Variants in SPEG observed in about 807,000 individuals in gnomAD.
SPEG encodes striated muscle enriched protein kinase.
In SPEG, 114 loss-of-function variants were observed where a neutral mutation model predicts 300.4. That is an observed-to-expected ratio of 0.38 (90% confidence interval 0.33 to 0.44). The LOEUF is 0.44. Among genes scored for constraint, SPEG ranks in the 20% least tolerant of loss-of-function variants. The pLI is 1.00. For synonymous variants in SPEG, 1,964 were observed against 2,018.9 expected (o/e 0.97, Z 0.73); for missense variants, 4,201 against 4,586.2 (o/e 0.92, Z 2.43).
chr2:219,466,063 G>A, intron 9 of SPEG: 1 of 1,604,322 alleles, frequency 6.2e-7, no homozygotes, highest in Non-Finnish European at 8.5e-7. Context: ...ACAGGCGAGT[G>A]AGCTCAGGGG....
rs1414019545 is a variant in SPEG, at chr2:219,448,997, C to A, written c.1839C>A (p.Pro613=). Residue 613 remains proline, a synonymous_variant, in exon 4 of 41, where the codon CCC becomes CCA. Coordinates refer to ENST00000312358, the MANE Select transcript of SPEG (RefSeq NM_005876.5). ...AIQECRSPVP[P]PAADPPEART... is the part of the protein sequence containing the mutation. ...AGGAGTGCAGGAGCCCTGTGCCGCCCCCCGCCGCCGATCCCCCAGAGGCCA... is the reference window on the plus strand; with the variant it reads ...AGGAGTGCAGGAGCCCTGTGCCGCCACCCGCCGCCGATCCCCCAGAGGCCA... The A allele has an allele frequency of 6.7e-7, 1 of 1,484,082 alleles. No homozygotes were observed. Among genetic ancestry groups the A allele is most frequent in the Admixed American group, 2.5e-5 (1 of 40,646 alleles). 91.9% of individuals were successfully genotyped at this position (1,484,082 alleles called of 1,614,324 possible). A position where few individuals can be genotyped will look rare whatever the true frequency, so the allele number is the denominator to read the frequency against.
At position 219,488,781 on chromosome 2, in the gene SPEG, T is replaced by A; in HGVS notation, c.8030T>A (p.Val2677Asp). 6.2e-7 allele frequency: 1 copy of A among 1,605,892 alleles called. No individual in the cohort carries two copies. Among genetic ancestry groups the A allele is most frequent in the Non-Finnish European group, 8.5e-7 (1 of 1,175,826 alleles). The change falls in exon 34 of 41, where the codon GTC becomes GAC. Residue 2677 changes from valine to aspartate, a missense_variant. Transcript: ENST00000312358. ...GGACTCTTCTTTCTCTTGCCAGGAG[T>A]CCCAGGAAAGCTAGCTCCTCCAGAG... The part of the protein sequence containing the change: ...TSSCTVAVAR[V>D]PGKLAPPEVP...
In SPEG at chr2:219,445,195, C is replaced by T; in HGVS notation, c.815+34C>T. ...CGGCCTTACCTGGGCCTGAACTGCC[C>T]CATCTCACCACGCTGTCCTGCGCTG... On this transcript the variant is annotated intron_variant, in intron 3 of 40. Transcript: ENST00000312358. The surrounding 1 kb of genome is among the most constrained non-coding windows in gnomAD (Gnocchi z 6.1). 3.3e-6 allele frequency: 5 copies of T among 1,532,980 alleles called. No individual in the cohort carries two copies. The highest frequency in any genetic ancestry group is 1.4e-5 in the African/African-American group (1 of 72,758). 95.0% of individuals were successfully genotyped at this position (1,532,980 alleles called of 1,614,324 possible). A position where few individuals can be genotyped will look rare whatever the true frequency, so the allele number is the denominator to read the frequency against.
rs60593157 is a variant in SPEG, at chr2:219,448,958, G to C, written c.1800G>C (p.Arg600=). The C allele has an allele frequency of 0.044, 66,962 of 1,511,136 alleles. 2,193 individuals carry two copies. Among genetic ancestry groups the C allele is most frequent in the African/African-American group, 0.17 (11,989 of 68,776 alleles). 93.6% of individuals were successfully genotyped at this position (1,511,136 alleles called of 1,614,324 possible). ...VRRRDQFPLT[R]SRAIQECRSP... The stretch of plus-strand genomic sequence containing the variant: ...GTCGGGACCAATTCCCGCTGACCCG[G>C]AGCAGAGCCATCCAGGAGTGCAGGA... Residue 600 remains arginine (R), a synonymous_variant, in exon 4 of 41, where the codon CGG becomes CGC. Transcript: ENST00000312358.
rs1690418844 is a variant in SPEG at position 219,459,006 on chromosome 2, G to A, written c.2441-2876G>A. On this transcript the variant is annotated intron_variant, in intron 6 of 40. Coordinates refer to ENST00000312358, the MANE Select transcript of SPEG (RefSeq NM_005876.5). The surrounding 1 kb of genome is among the most constrained non-coding windows in gnomAD (Gnocchi z 4.9). ...TCTGTCTATTGTGAGAACACATCAG[G>A]GGACGCTGAAACAGTTGGGGTCGGT... Among the ~76,000 whole-genome samples, 1 of 152,196 alleles carries A rather than the reference G, an allele frequency of 6.6e-6. No homozygotes were observed. The highest frequency in any genetic ancestry group is 2.4e-5 in the African/African-American group (1 of 41,448).
chr2:219,463,057 T>C (rs1232379338), intron 8 of SPEG, among the ~76,000 whole-genome samples: 1 of 152,110 alleles, frequency 6.6e-6, no homozygotes, highest in Non-Finnish European at 1.5e-5. Context: ...AAACTTTTTT[T>C]AAATTAGCTG....
At position 219,481,538 on chromosome 2, in the gene SPEG, G is replaced by C; in HGVS notation, c.5522+82G>C. Reference sequence around the variant, plus strand: ...TGCTACTCCCAAACTCCTGCCCCTCGACATGCAAGCCCCCAACTCCTTAGG... The same window carrying C: ...TGCTACTCCCAAACTCCTGCCCCTCCACATGCAAGCCCCCAACTCCTTAGG... On this transcript the variant is annotated intron_variant, in intron 27 of 40. Transcript: ENST00000312358. This position sits in a 1 kb window ranked among gnomAD's most constrained non-coding sequence, Gnocchi z 5.4. 6.2e-7 allele frequency: 1 copy of C among 1,604,784 alleles called. No homozygotes were observed. Among genetic ancestry groups the C allele is most frequent in the Non-Finnish European group, 8.5e-7 (1 of 1,172,778 alleles).
Position 219,451,271 on chromosome 2 carries a change from C to G in SPEG, c.2249C>G (p.Pro750Arg). 6.2e-7 allele frequency: 1 copy of G among 1,608,222 alleles called. No homozygotes were observed. The highest frequency in any genetic ancestry group is 8.5e-7 in the Non-Finnish European group (1 of 1,177,514). Residue 750 changes from proline (P) to arginine (R), a missense_variant, in exon 5 of 41, where the codon CCG (proline) becomes CGG (arginine). By Grantham distance (103) the Pro-to-Arg change is moderately radical. Transcript: ENST00000312358. This position sits in a 1 kb window ranked among gnomAD's most constrained non-coding sequence, Gnocchi z 6.4. ...LLKCIITANPPPQVSWHKDGS... is the reference protein window; with the variant it reads ...LLKCIITANPRPQVSWHKDGS... ...AAGTGTATCATCACTGCCAACCCCC[C>G]GCCCCAAGGTGAGCTCCAGCACTGG...
In SPEG at chr2:219,448,331, T is replaced by G. The variant is rs776386125; in HGVS notation, c.1173T>G (p.Pro391=). 2 of 1,600,538 alleles carry G rather than the reference T, an allele frequency of 1.2e-6. No homozygotes were observed. The highest frequency in any genetic ancestry group is 1.7e-6 in the Non-Finnish European group (2 of 1,174,656). Residue 391 remains proline (P), a synonymous_variant, in exon 4 of 41, where the codon CCT becomes CCG. Coordinates refer to ENST00000312358, the MANE Select transcript of SPEG (RefSeq NM_005876.5). ...GCCTGTCGGCGTTGGGCCGATCGCC[T>G]AGGCTGGTGCGCGCCGGCTCCCGCA... is the stretch of plus-strand genomic sequence containing the variant. ...SGRLSALGRS[P]RLVRAGSRIL...
At chr2:219,488,748 G>A (rs1169102546) in intron 33 of SPEG, 30 bp from the exon 34 acceptor site, 2 of 1,611,954 alleles carry the variant, frequency 1.2e-6, no homozygotes, top group Admixed American at 1.7e-5. Flanking sequence ...GGGTATAGGG[G>A]CTCACTGGGA....
At position 219,448,456 on chromosome 2, in the gene SPEG, C is replaced by A; in HGVS notation, c.1298C>A (p.Ala433Asp). Reference protein sequence around the residue: ...PLRPWVPLRKARSLEQPKSER... With the variant: ...PLRPWVPLRKDRSLEQPKSER... ...CGGCCCTGGGTGCCCCTGCGCAAGG[C>A]CCGCTCTCTGGAGCAGCCCAAGTCG... is the stretch of plus-strand genomic sequence containing the variant. Residue 433 changes from alanine (A) to aspartate (D), a missense_variant, in exon 4 of 41, where the codon GCC becomes GAC. This residue lies in a region of SPEG where 1,258 missense variants were observed against 1,293.9 expected (regional missense o/e 0.97). Transcript: ENST00000312358. 6 of 1,505,486 alleles carry A rather than the reference C, an allele frequency of 4.0e-6. No homozygotes were observed. The highest frequency in any genetic ancestry group is 5.3e-6 in the Non-Finnish European group (6 of 1,136,268). The allele number at this position is 1,505,486 out of a possible 1,614,324, so 93.3% of individuals were successfully genotyped here. A position where few individuals can be genotyped will look rare whatever the true frequency, so the allele number is the denominator to read the frequency against.
chr2:219,474,072 A>G, intron 18 of SPEG, 169 bp downstream of exon 18: 1 of 672,336 alleles, frequency 1.5e-6, no homozygotes. Context: ...AATAATGACA[A>G]CAATCATACT....
In SPEG at chr2:219,451,583, C is replaced by T; in HGVS notation, c.2258-42C>T. ...TAGGAGTAGAGATTCTCAGTGGGCG[C>T]CTGTGGGCCGTGGCGAGCCGGGTCC... On this transcript the variant is annotated intron_variant, in intron 5 of 40. Coordinates refer to ENST00000312358, the MANE Select transcript of SPEG (RefSeq NM_005876.5). The surrounding 1 kb of genome is among the most constrained non-coding windows in gnomAD (Gnocchi z 6.4). The T allele has an allele frequency of 6.8e-7, 1 of 1,470,998 alleles. No individual in the cohort carries two copies. The highest frequency in any genetic ancestry group is 9.0e-7 in the Non-Finnish European group (1 of 1,110,456). The allele number at this position is 1,470,998 out of a possible 1,614,324, so 91.1% of individuals were successfully genotyped here.
Position 219,451,417 on chromosome 2 carries a change from C to G in SPEG, c.2257+138C>G. Reference sequence around the variant, plus strand: ...ATCCCCTCCACGGGGGCTGCCCTGACTTGGGTGTGTGTTCAGGGACATTTC... The same window carrying G: ...ATCCCCTCCACGGGGGCTGCCCTGAGTTGGGTGTGTGTTCAGGGACATTTC... On this transcript the variant is annotated intron_variant, in intron 5 of 40. Transcript: ENST00000312358. This position sits in a 1 kb window ranked among gnomAD's most constrained non-coding sequence, Gnocchi z 6.4. 2.3e-6 allele frequency: 3 copies of G among 1,282,824 alleles called. No homozygotes were observed. Among genetic ancestry groups the G allele is most frequent in the Non-Finnish European group, 3.1e-6 (3 of 958,380 alleles). The allele number at this position is 1,282,824 out of a possible 1,614,324, so 79.5% of individuals were successfully genotyped here. A position where few individuals can be genotyped will look rare whatever the true frequency, so the allele number is the denominator to read the frequency against.
intron 18 of SPEG, 104 bp from the exon 19 acceptor site, chr2:219,476,766 G>A (rs1038155444): frequency 1.4e-5 from 12 of 866,540 alleles, no homozygotes; most frequent in Non-Finnish European, 1.8e-5. Context: ...CTAGCGTTCT[G>A]ACTGAGCCAG....
chr2:219,438,413 T>A (rs1406838769), intron 1 of SPEG, among the ~76,000 whole-genome samples: 1 of 152,172 alleles, frequency 6.6e-6, no homozygotes, highest in Non-Finnish European at 1.5e-5. Flanking sequence ...ATACTGCTTG[T>A]CCACAGAAAG....
rs1429675237 is a variant in SPEG at position 219,484,081 on chromosome 2, C to T, written c.6618C>T (p.Pro2206=). Residue 2206 remains proline, a synonymous_variant, in exon 30 of 41, where the codon CCC becomes CCT. Coordinates refer to ENST00000312358, the MANE Select transcript of SPEG (RefSeq NM_005876.5). ...CACCTAGTGATGCTCCGCAGCCCCCCGCACCCCAGCCTGCCCAAGACAAGG... is the reference window on the plus strand; with the variant it reads ...CACCTAGTGATGCTCCGCAGCCCCCTGCACCCCAGCCTGCCCAAGACAAGG... The part of the protein sequence containing the change: ...ATTPSDAPQP[P]APQPAQDKAP... 7 of 1,613,662 alleles carry T rather than the reference C, an allele frequency of 4.3e-6. No homozygotes were observed. Among genetic ancestry groups the T allele is most frequent in the Non-Finnish European group, 5.9e-6 (7 of 1,179,954 alleles).
intron 9 of SPEG, chr2:219,466,175 TGCCGGCCCGGACCCGTCCCA>T (rs1691332680): frequency 1.3e-5 from 19 of 1,507,312 alleles, no homozygotes; most frequent in Non-Finnish European, 1.7e-5. Flanking sequence ...GACCCAGGCC[TGCCGGCCCGGACCCGTCCCA>T]GCCTCCCCTC....
intron 40 of SPEG, 79 bp downstream of exon 40, chr2:219,492,339 C>A: frequency 6.8e-7 from 1 of 1,469,756 alleles, no homozygotes; most frequent in Non-Finnish European, 9.3e-7. Context: ...CCCAGCTCCT[C>A]CCCTGCTCCT....
Sources: gnomAD v4.1 joint callset for allele counts (sites outside exome capture counted in the v4.1 genomes callset) on GRCh38, gnomAD v4.1.1 for gene constraint, gnomAD v4.1.1 regional missense constraint, Gnocchi (gnomAD v3.1) non-coding constraint, MANE v1.5 for transcripts, NCBI Gene and HGNC (gene_info 2026-07-23, HGNC 2026-07-21) for gene names.